ALDH1A3: variants seen among roughly 807,000 people sequenced by gnomAD.
ALDH1A3 encodes retinaldehyde dehydrogenase 3.
ALDH1A3 carries 28 observed loss-of-function variants against 57.5 expected under a neutral mutation model. The observed-to-expected ratio is 0.49, with a 90% confidence interval of 0.36 to 0.67. ALDH1A3 has a LOEUF of 0.67. Ranked by LOEUF, ALDH1A3 falls within the 30% of genes least tolerant of loss-of-function variation. ALDH1A3 has a pLI of 0.00. For synonymous variants in ALDH1A3, 281 were observed against 264.8 expected (o/e 1.06, Z -0.59); for missense variants, 507 against 669.4 (o/e 0.76, Z 2.68).
chr15:100,914,958 C>T lies in ALDH1A3; in HGVS notation c.*185C>T. On this transcript the variant is annotated 3_prime_UTR_variant, in exon 13 of 13. Transcript: ENST00000329841. ...CTGTTTATTCACCAGACTGGGGATG[C>T]CTATAGGTTGTCTGTGAAATCGCAG... 1.6e-6 allele frequency: 1 copy of T among 609,078 alleles called. No individual in the cohort carries two copies. Among genetic ancestry groups the T allele is most frequent in the Non-Finnish European group, 2.9e-6 (1 of 349,828 alleles). The allele number at this position is 609,078 out of a possible 1,614,324, so 37.7% of individuals were successfully genotyped here.
rs535793478 is a variant in ALDH1A3 at position 100,909,018 on chromosome 15, G to A, written c.1466+536G>A. ...GCCTACTGCAAATCCCTCCACATGC[G>A]TGTGCAAACCCACTGCAAACCCCTC... On this transcript the variant is annotated intron_variant, in intron 12 of 12. Transcript: ENST00000329841. Among the ~76,000 whole-genome samples, 49 of 151,914 alleles carry A rather than the reference G, an allele frequency of 3.2e-4. 1 individual carries two copies. The highest frequency in any genetic ancestry group is 7.9e-4 in the Admixed American group (12 of 15,264).
rs2041679031 is a variant in ALDH1A3, at chr15:100,894,280, C to T, written c.666+198C>T. ...CTGAGCTGGAGAAACTCCATTCCTC[C>T]CAGTGGTCCTAATGAGAATGCTTAA... On this transcript the variant is annotated intron_variant, in intron 6 of 12. Transcript: ENST00000329841. This position sits in a 1 kb window ranked among gnomAD's most constrained non-coding sequence, Gnocchi z 4.5. 1.6e-6 allele frequency: 1 copy of T among 609,788 alleles called. No homozygotes were observed. Among genetic ancestry groups the T allele is most frequent in the African/African-American group, 1.9e-5 (1 of 53,726 alleles). The allele number at this position is 609,788 out of a possible 1,614,324, so 37.8% of individuals were successfully genotyped here. A position where few individuals can be genotyped will look rare whatever the true frequency, so the allele number is the denominator to read the frequency against.
chr15:100,882,009 G>A (rs913368826), intron 1 of ALDH1A3, among the ~76,000 whole-genome samples: 14 of 152,238 alleles, frequency 9.2e-5, no homozygotes, highest in African/African-American at 2.9e-4. Context: ...GGGAAGGAGC[G>A]GGATAAACTG....
Position 100,905,562 on chromosome 15 carries a change from G to C in ALDH1A3, c.1108G>C (p.Glu370Gln). 1.9e-6 allele frequency: 3 copies of C among 1,614,182 alleles called. No individual in the cohort carries two copies. Among genetic ancestry groups the C allele is most frequent in the Non-Finnish European group, 2.5e-6 (3 of 1,180,034 alleles). ...KQFDKILELI[E>Q]SGKKEGAKLE... ...GTTCGACAAAATCTTAGAGCTGATC[G>C]AGAGTGGGAAGAAGGAAGGGGCCAA... Residue 370 changes from glutamate to glutamine, a missense_variant, in exon 10 of 13, where the codon GAG (glutamate) becomes CAG (glutamine). Coordinates refer to ENST00000329841, the MANE Select transcript of ALDH1A3 (RefSeq NM_000693.4).
At position 100,905,565 on chromosome 15, in the gene ALDH1A3, A is replaced by G; in HGVS notation, c.1111A>G (p.Ser371Gly). 1 of 1,614,166 alleles carries G rather than the reference A, an allele frequency of 6.2e-7. No individual in the cohort carries two copies. Residue 371 changes from serine (S) to glycine (G), a missense_variant, in exon 10 of 13, where the codon AGT (serine) becomes GGT (glycine). Around this residue, in one of 2 missense-constraint regions of ALDH1A3, gnomAD observed 432 missense variants for 608.4 expected, o/e 0.71. Transcript: ENST00000329841. The stretch of plus-strand genomic sequence containing the variant: ...CGACAAAATCTTAGAGCTGATCGAG[A>G]GTGGGAAGAAGGAAGGGGCCAAGCT... ...QFDKILELIE[S>G]GKKEGAKLEC... is the part of the protein sequence containing the mutation.
chr15:100,906,100 C>T lies in ALDH1A3; in HGVS notation c.1233+413C>T, dbSNP rs2041820115. ...CTGTGGATTCAGGGCCCAAAGCCGC[C>T]TTCAGTGCCCCTAGACTGAATTTCA... On this transcript the variant is annotated intron_variant, in intron 10 of 12. Coordinates refer to ENST00000329841, the MANE Select transcript of ALDH1A3 (RefSeq NM_000693.4). The surrounding 1 kb of genome is among the most constrained non-coding windows in gnomAD (Gnocchi z 4.8). 1.3e-5 allele frequency among the ~76,000 whole-genome samples: 2 copies of T among 152,194 alleles called. No individual in the cohort carries two copies. Among genetic ancestry groups the T allele is most frequent in the Non-Finnish European group, 2.9e-5 (2 of 68,036 alleles).
At chr15:100,903,190 C>T (rs1449586048) in intron 9 of ALDH1A3, among the ~76,000 whole-genome samples, 1 of 151,610 alleles carries the variant, frequency 6.6e-6, no homozygotes, top group African/African-American at 2.4e-5. Flanking sequence ...ACCCTTCTCC[C>T]CACGGTATCC....
chr15:100,887,633 GC>G lies in ALDH1A3; in HGVS notation c.268del (p.Arg90GlyfsTer5). 1 of 1,611,866 alleles carries G rather than the reference GC, an allele frequency of 6.2e-7. No homozygotes were observed. The highest frequency in any genetic ancestry group is 1.3e-5 in the African/African-American group (1 of 75,002). On this transcript the variant is annotated frameshift_variant, in exon 3 of 13. Transcript: ENST00000329841. LOFTEE classifies it high-confidence loss of function. This position sits in a 1 kb window ranked among gnomAD's most constrained non-coding sequence, Gnocchi z 4.6. Reference protein sequence around the residue: ...QVAFQRGSPWRRLDALSRGRL... With the variant: ...QVAFQRGSPWXRLDALSRGRL... The stretch of plus-strand genomic sequence containing the variant: ...GCCTTCCAGAGGGGCTCGCCATGGC[GC>G]CGGCTGGATGCCCTGAGTCGTGGGC...
At chr15:100,884,076 G>A (rs779826652) in intron 1 of ALDH1A3, among the ~76,000 whole-genome samples, 9 of 152,198 alleles carry the variant, frequency 5.9e-5, no homozygotes, top group Admixed American at 2.0e-4. Flanking sequence ...AGAGACATGC[G>A]TGTCAGCCAT....
At chr15:100,895,571 C>T (rs2041693774) in intron 6 of ALDH1A3, 2 of 265,488 alleles carry the variant, frequency 7.5e-6, no homozygotes, top group African/African-American at 2.1e-5. Flanking sequence ...CATACACACA[C>T]TCTCCCTCAC....
chr15:100,892,513 C>A lies in ALDH1A3; in HGVS notation c.349C>A (p.Leu117Met). Residue 117 changes from leucine to methionine, a missense_variant, in exon 4 of 13, where the codon CTG becomes ATG. By Grantham distance (15) the Leu-to-Met change is conservative. This residue lies in a region of ALDH1A3 where 432 missense variants were observed against 608.4 expected (regional missense o/e 0.71). Transcript: ENST00000329841. ...AGACATCATCTTGTTATTGCAGGCC[C>A]TGGAGACGATGGATACAGGGAAGCC... ...VERDRATLAA[L>M]ETMDTGKPFL... 6.2e-7 allele frequency: 1 copy of A among 1,612,268 alleles called. No individual in the cohort carries two copies. Among genetic ancestry groups the A allele is most frequent in the Non-Finnish European group, 8.5e-7 (1 of 1,179,584 alleles).
In ALDH1A3 at chr15:100,893,031, A is replaced by G; in HGVS notation, c.537+25A>G. The G allele has an allele frequency of 6.2e-7, 1 of 1,606,568 alleles. No homozygotes were observed. Among genetic ancestry groups the G allele is most frequent in the Non-Finnish European group, 8.5e-7 (1 of 1,174,378 alleles). On this transcript the variant is annotated intron_variant, in intron 5 of 12. Transcript: ENST00000329841. This position sits in a 1 kb window ranked among gnomAD's most constrained non-coding sequence, Gnocchi z 4.8. The stretch of plus-strand genomic sequence containing the variant: ...AGTAAGTATGGCAGCCTTTCTCAGT[A>G]GATTCTATGTAGATCCTGCCCCACT...
At chr15:100,899,388 C>T (rs1269550219) in intron 8 of ALDH1A3, among the ~76,000 whole-genome samples, 2 of 152,188 alleles carry the variant, frequency 1.3e-5, no homozygotes, top group Non-Finnish European at 2.9e-5. Context: ...GTTCATCTTC[C>T]TCCTCTTGGG....
chr15:100,882,504 A>G (rs1323832001), intron 1 of ALDH1A3, among the ~76,000 whole-genome samples: 1 of 152,204 alleles, frequency 6.6e-6, no homozygotes, highest in Non-Finnish European at 1.5e-5. Context: ...TCCTTTTCTG[A>G]AAACATATTC....
At position 100,912,955 on chromosome 15, in the gene ALDH1A3, G is replaced by A. The variant is rs1292792282; in HGVS notation, c.1467-1746G>A. Among the ~76,000 whole-genome samples the A allele has an allele frequency of 2.4e-4, 24 of 100,600 alleles. 11 individuals are homozygous for A. The East Asian group carries it at 6.6e-3, about 28-fold the overall frequency. The allele number at this position is 100,600 out of a possible 152,430, so 66.0% of individuals were successfully genotyped here. ...GGGCGGATCACGAGGTCAGGAGATC[G>A]AGACCATCCTGGCTAACAAGGTGAA... On this transcript the variant is annotated intron_variant, in intron 12 of 12. Transcript: ENST00000329841.
chr15:100,907,514 A>G (rs974033496), intron 11 of ALDH1A3, among the ~76,000 whole-genome samples: 7 of 152,232 alleles, frequency 4.6e-5, no homozygotes, highest in African/African-American at 7.2e-5. Flanking sequence ...AGGGTCACAC[A>G]GCTAGCAGAT....
chr15:100,882,011 G>A (rs2041552078), intron 1 of ALDH1A3, among the ~76,000 whole-genome samples: 1 of 152,250 alleles, frequency 6.6e-6, no homozygotes, highest in Non-Finnish European at 1.5e-5. Flanking sequence ...GAAGGAGCGG[G>A]ATAAACTGAA....
At chr15:100,903,536 C>A in intron 9 of ALDH1A3, among the ~76,000 whole-genome samples, 1 of 152,222 alleles carries the variant, frequency 6.6e-6, no homozygotes, top group East Asian at 1.9e-4. Context: ...ATCCCTGGGA[C>A]AGCTTTCCCA....
At chr15:100,912,738 T>G (rs1370046161) in intron 12 of ALDH1A3, among the ~76,000 whole-genome samples, 1 of 152,150 alleles carries the variant, frequency 6.6e-6, no homozygotes, top group Non-Finnish European at 1.5e-5. Context: ...GAGGTGATGG[T>G]TTTCCTATTT....
Sources: allele counts gnomAD v4.1 joint callset (sites outside exome capture counted in the v4.1 genomes callset), GRCh38; gene constraint gnomAD v4.1.1; regional missense constraint gnomAD v4.1.1; non-coding constraint Gnocchi (gnomAD v3.1); transcripts MANE v1.5; gene names NCBI Gene and HGNC (gene_info 2026-07-23, HGNC 2026-07-21).